The following RAPGEF1 variants were observed in gnomAD, a reference collection of about 807,000 sequenced individuals.
RAPGEF1 encodes Rap guanine nucleotide exchange factor 1, also known as CRK SH3-binding GNRP.
In RAPGEF1, 33 loss-of-function variants were observed where a neutral mutation model predicts 143.3. The ratio of observed to expected loss-of-function variants is 0.23; its 90% CI spans 0.17 to 0.31. The LOEUF is 0.31. RAPGEF1 is among the 10% of genes least tolerant of loss of function. The pLI is 1.00. For synonymous variants in RAPGEF1, 629 were observed against 676.5 expected (o/e 0.93, Z 1.09); for missense variants, 1,199 against 1,645.4 (o/e 0.73, Z 4.69).
At chr9:131,726,860 A>C (rs764974443) in intron 1 of RAPGEF1, among the ~76,000 whole-genome samples, 2 of 151,986 alleles carry the variant, frequency 1.3e-5, no homozygotes, top group South Asian at 2.1e-4. Flanking sequence ...TTAAATGAAA[A>C]GGGTGTGGTG....
chr9:131,618,225 G>A (rs756139922), intron 12 of RAPGEF1, among the ~76,000 whole-genome samples: 16 of 152,206 alleles, frequency 1.1e-4, no homozygotes, highest in Non-Finnish European at 1.5e-4. Flanking sequence ...TTGGAAGCCC[G>A]CCAGCTGTCA....
chr9:131,628,729 C>T lies in RAPGEF1; in HGVS notation c.894-57G>A, dbSNP rs908319294. On this transcript the variant is annotated intron_variant, in intron 7 of 26. Transcript: ENST00000683357. This position sits in a 1 kb window ranked among gnomAD's most constrained non-coding sequence, Gnocchi z 5.7. ...AACCACACTCACCAAAGCTCTTCAG[C>T]GTGATATTGGGGTACAGGATGTGGG... is the stretch of plus-strand genomic sequence containing the variant. 9 of 1,533,920 alleles carry T rather than the reference C, an allele frequency of 5.9e-6. No homozygotes were observed. Among genetic ancestry groups the T allele is most frequent in the East Asian group, 4.6e-5 (2 of 43,840 alleles).
intron 14 of RAPGEF1, among the ~76,000 whole-genome samples, chr9:131,602,582 G>C (rs1956445237): frequency 6.6e-6 from 1 of 152,218 alleles, no homozygotes; most frequent in African/African-American, 2.4e-5. Context: ...AGACCACACA[G>C]CTCATAAACA....
chr9:131,582,550 G>A (rs1221666933), intron 25 of RAPGEF1, 55 bp downstream of exon 25: 1 of 1,276,124 alleles, frequency 7.8e-7, no homozygotes, highest in Non-Finnish European at 1.1e-6. Flanking sequence ...ATCTTCCCCA[G>A]AGCAATGGAG....
At position 131,601,685 on chromosome 9, in the gene RAPGEF1, C is replaced by T. The variant is rs140124535; in HGVS notation, c.2501+376G>A. Among the ~76,000 whole-genome samples, 7 of 152,206 alleles carry T rather than the reference C, an allele frequency of 4.6e-5. No homozygotes were observed. In the South Asian group the frequency reaches 6.2e-4, roughly 14 times the overall value. On this transcript the variant is annotated intron_variant, in intron 15 of 26. Coordinates refer to ENST00000683357, the MANE Select transcript of RAPGEF1 (RefSeq NM_001377935.1). ...CTTTGGGAGGCTGATGTGGGAGGAT[C>T]GCTTGAAGCCAGGAGTTAGTGACCA...
chr9:131,631,200 T>C (rs1460897584), intron 5 of RAPGEF1, among the ~76,000 whole-genome samples: 1 of 152,224 alleles, frequency 6.6e-6, no homozygotes, highest in Non-Finnish European at 1.5e-5. Flanking sequence ...TATGGATATA[T>C]AACTCATATG....
chr9:131,709,142 T>G (rs111812300), intron 1 of RAPGEF1, among the ~76,000 whole-genome samples: 2 of 151,204 alleles, frequency 1.3e-5, no homozygotes, highest in South Asian at 4.2e-4. Flanking sequence ...AGGTCAGGAG[T>G]TCAAGACCAG....
chr9:131,726,609 G>A (rs1223262534), intron 1 of RAPGEF1, among the ~76,000 whole-genome samples: 1 of 79,512 alleles, frequency 1.3e-5, no homozygotes, highest in Admixed American at 1.4e-4. Context: ...CTGGGGGACA[G>A]AGCGAGACTC....
At chr9:131,610,404 C>T (rs1343839309) in intron 12 of RAPGEF1, among the ~76,000 whole-genome samples, 1 of 152,228 alleles carries the variant, frequency 6.6e-6, no homozygotes, top group Non-Finnish European at 1.5e-5. Flanking sequence ...GTCAGCTCCA[C>T]CAGTTACAGC....
rs1372080329 is a variant in RAPGEF1, at chr9:131,628,920, G to A, written c.893+182C>T. Among the ~76,000 whole-genome samples the A allele has an allele frequency of 6.6e-6, 1 of 152,190 alleles. No individual in the cohort carries two copies. The highest frequency in any genetic ancestry group is 1.9e-4 in the East Asian group (1 of 5,196). ...ATGTCTCCCTGGGCTGAGGGCACAA[G>A]GAGGCCTTCAGGAGAGCTCAGGGTG... On this transcript the variant is annotated intron_variant, in intron 7 of 26. Transcript: ENST00000683357. This position sits in a 1 kb window ranked among gnomAD's most constrained non-coding sequence, Gnocchi z 5.7.
At chr9:131,633,990 G>A (rs1401782392) in intron 5 of RAPGEF1, among the ~76,000 whole-genome samples, 1 of 152,206 alleles carries the variant, frequency 6.6e-6, no homozygotes, top group Non-Finnish European at 1.5e-5. Context: ...GGCCAGACGT[G>A]GTTGCTCATG....
intron 22 of RAPGEF1, among the ~76,000 whole-genome samples, chr9:131,586,791 G>GTC (rs1370942499): frequency 6.8e-4 from 33 of 48,208 alleles, no homozygotes; most frequent in East Asian, 2.3e-3. Context: ...GCGAGACTCC[G>GTC]TCAAACACAC....
At chr9:131,635,937 T>A (rs1327694294) in intron 5 of RAPGEF1, among the ~76,000 whole-genome samples, 1 of 152,146 alleles carries the variant, frequency 6.6e-6, no homozygotes, top group African/African-American at 2.4e-5. Context: ...TATTAGACAA[T>A]AACAACAAAT....
chr9:131,595,695 C>CTCT (rs1564477907), intron 17 of RAPGEF1, among the ~76,000 whole-genome samples: 4 of 151,764 alleles, frequency 2.6e-5, no homozygotes, highest in Non-Finnish European at 5.9e-5. Context: ...CTGGGAATGA[C>CTCT]TTTGCTAGCA....
intron 1 of RAPGEF1, among the ~76,000 whole-genome samples, chr9:131,738,386 C>T (rs1211049091): frequency 6.6e-6 from 1 of 152,096 alleles, no homozygotes; most frequent in Admixed American, 6.6e-5. Flanking sequence ...CACAGATGAA[C>T]CCAAGTTATT....
chr9:131,728,533 C>A (rs1836819444), intron 1 of RAPGEF1, among the ~76,000 whole-genome samples: 1 of 152,238 alleles, frequency 6.6e-6, no homozygotes, highest in East Asian at 1.9e-4. Context: ...GGTCTGCCTG[C>A]ATGCACTGGG....
chr9:131,651,257 C>A (rs1971009570), intron 1 of RAPGEF1, among the ~76,000 whole-genome samples: 1 of 152,212 alleles, frequency 6.6e-6, no homozygotes. Context: ...AGGGAACTGG[C>A]TGAGAAGAAA....
chr9:131,654,847 GGAA>G, intron 1 of RAPGEF1, among the ~76,000 whole-genome samples: 1 of 152,232 alleles, frequency 6.6e-6, no homozygotes, highest in East Asian at 1.9e-4. Context: ...AAATATCCCA[GGAA>G]GAAGACTGCT....
intron 1 of RAPGEF1, among the ~76,000 whole-genome samples, chr9:131,711,994 A>G (rs983197389): frequency 7.9e-5 from 12 of 152,222 alleles, no homozygotes; most frequent in African/African-American, 2.4e-4. Flanking sequence ...CCAAATCTCT[A>G]CAAGATCTTA....
Sources: gnomAD v4.1 joint callset for allele counts (sites outside exome capture counted in the v4.1 genomes callset) on GRCh38, gnomAD v4.1.1 for gene constraint, Gnocchi (gnomAD v3.1) non-coding constraint, MANE v1.5 for transcripts, NCBI Gene and HGNC (gene_info 2026-07-23, HGNC 2026-07-21) for gene names.